The following EXD1 variants were observed in gnomAD, a reference collection of about 807,000 sequenced individuals.
The protein encoded by EXD1 is exonuclease 3'-5' domain containing 1.
In EXD1, 63 loss-of-function variants were observed where a neutral mutation model predicts 49.1. The observed-to-expected ratio is 1.28, with a 90% CI of 1.05 to 1.58. The LOEUF is 1.58. EXD1 is among the 40% of genes most tolerant of loss of function. The pLI, the probability that EXD1 is intolerant of heterozygous loss-of-function variation, is 0.00. For synonymous variants in EXD1, 234 were observed against 239.2 expected (o/e 0.98, Z 0.20); for missense variants, 748 against 666.0 (o/e 1.12, Z -1.36).
rs151189157 is a variant in EXD1 at position 41,189,969 on chromosome 15, C to T, written c.1024G>A (p.Glu342Lys). 7.2e-5 allele frequency: 117 copies of T among 1,614,030 alleles called. No individual in the cohort carries two copies. The African/African-American group carries it at 1.1e-3, about 15-fold the overall frequency. ...CCTCCAAGCCGGTCTGCAGACCCTT[C>T]GCGATACGTGTTTAGGTAACCATCC... ...LVDGYLNTYR[E>K]GSADRLGGTE... is the part of the protein sequence containing the mutation. Residue 342 changes from glutamate to lysine, a missense_variant, in exon 11 of 12, where the codon GAA (glutamate) becomes AAA (lysine). Transcript: ENST00000458580.
At position 41,194,122 on chromosome 15, in the gene EXD1, C is replaced by T. The variant is rs1186160999; in HGVS notation, c.720+1653G>A. Among the ~76,000 whole-genome samples, 6 of 150,572 alleles carry T rather than the reference C, an allele frequency of 4.0e-5. No homozygotes were observed. In the East Asian group the frequency reaches 9.8e-4, roughly 25 times the overall value. ...TGACTCCCAGGTTCACACCATTCTCCTGCCTCAGCCTCCCGAGTAGCTGGG... is the reference window on the plus strand; with the variant it reads ...TGACTCCCAGGTTCACACCATTCTCTTGCCTCAGCCTCCCGAGTAGCTGGG... On this transcript the variant is annotated intron_variant, in intron 9 of 11. Transcript: ENST00000458580.
chr15:41,195,696 T>A, intron 9 of EXD1, 79 bp downstream of exon 9: 6 of 997,606 alleles, frequency 6.0e-6, no homozygotes, highest in Non-Finnish European at 8.4e-6. Context: ...AGACTTTCAC[T>A]CATCAGATGA....
rs770075401 is a variant in EXD1, at chr15:41,191,590, G to C, written c.721-5C>G. Reference sequence around the variant, plus strand: ...AAACTGAAGTACATCTGCTACCTGTGGTATTTTAAAAAGACAAACAGACCA... The same window carrying C: ...AAACTGAAGTACATCTGCTACCTGTCGTATTTTAAAAAGACAAACAGACCA... On this transcript the variant is annotated splice_polypyrimidine_tract_variant and splice_region_variant and intron_variant, in intron 9 of 11. Transcript: ENST00000458580. 6.2e-7 allele frequency: 1 copy of C among 1,612,878 alleles called. No homozygotes were observed. Among genetic ancestry groups the C allele is most frequent in the Non-Finnish European group, 8.5e-7 (1 of 1,179,540 alleles).
chr15:41,207,711 T>C (rs1446530426), intron 7 of EXD1, among the ~76,000 whole-genome samples: 2 of 151,838 alleles, frequency 1.3e-5, no homozygotes, highest in Admixed American at 6.6e-5. Flanking sequence ...GGAAAACCTG[T>C]CCATTAATTT....
intron 6 of EXD1, among the ~76,000 whole-genome samples, chr15:41,213,862 A>G (rs1409101754): frequency 6.6e-6 from 1 of 152,234 alleles, no homozygotes; most frequent in African/African-American, 2.4e-5. Context: ...TGAGCTGTAC[A>G]TTTTAACTAA....
At chr15:41,209,477 A>G in intron 7 of EXD1, 24 bp downstream of exon 7, 1 of 1,601,034 alleles carries the variant, frequency 6.2e-7, no homozygotes, top group Non-Finnish European at 8.5e-7. Flanking sequence ...ACTTCAAAAT[A>G]AAAAGTTTTC....
chr15:41,196,100 G>C, intron 7 of EXD1, 63 bp from the exon 8 acceptor site: 1 of 1,172,248 alleles, frequency 8.5e-7, no homozygotes, highest in South Asian at 1.5e-5. Flanking sequence ...AGGGAAATTT[G>C]AGGATGAAGA....
At chr15:41,192,174 G>A (rs1412310775) in intron 9 of EXD1, 1 of 152,830 alleles carries the variant, frequency 6.5e-6, no homozygotes, top group Non-Finnish European at 1.5e-5. Context: ...TCAGCACAGC[G>A]CCCTACAGTC....
intron 7 of EXD1, among the ~76,000 whole-genome samples, chr15:41,198,236 C>T (rs1019333584): frequency 6.6e-6 from 1 of 152,022 alleles, no homozygotes; most frequent in Non-Finnish European, 1.5e-5. Flanking sequence ...AGTTTCAGGA[C>T]AGGCACTAGT....
At chr15:41,224,101 G>A (rs778124080) in intron 2 of EXD1, among the ~76,000 whole-genome samples, 2 of 151,784 alleles carry the variant, frequency 1.3e-5, no homozygotes, top group Non-Finnish European at 2.9e-5. Context: ...CACCATGCCC[G>A]GCTAATTTTG....
intron 7 of EXD1, among the ~76,000 whole-genome samples, chr15:41,200,136 C>T (rs981159231): frequency 8.6e-5 from 13 of 151,950 alleles, no homozygotes; most frequent in African/African-American, 2.4e-4. Flanking sequence ...TCTCCAACTC[C>T]GGAGCTCAAG....
At position 41,219,733 on chromosome 15, in the gene EXD1, C is replaced by T. The variant is rs1339468104; in HGVS notation, c.202+97G>A. The T allele has an allele frequency of 7.0e-6, 7 of 1,004,774 alleles. No individual in the cohort carries two copies. The Admixed American group carries it at 7.0e-5, about 10-fold the overall frequency. The allele number at this position is 1,004,774 out of a possible 1,614,324, so 62.2% of individuals were successfully genotyped here. A position where few individuals can be genotyped will look rare whatever the true frequency, so the allele number is the denominator to read the frequency against. ...AGAAGGATCAATTCTCAAATACCAA[C>T]TTTAAGAATCCATAAGCACAACATT... On this transcript the variant is annotated intron_variant, in intron 3 of 11. Coordinates refer to ENST00000458580, the MANE Select transcript of EXD1 (RefSeq NM_001286441.2).
chr15:41,230,153 G>A (rs1301732145), intron 1 of EXD1, among the ~76,000 whole-genome samples: 6 of 145,268 alleles, frequency 4.1e-5, no homozygotes, highest in Non-Finnish European at 8.9e-5. Flanking sequence ...CCGCGATCTC[G>A]GCTCACTGCA....
In EXD1 at chr15:41,216,779, TTC is replaced by T. The variant is rs766252524; in HGVS notation, c.275_276del (p.Arg92AsnfsTer9). On this transcript the variant is annotated frameshift_variant, in exon 5 of 12. Coordinates refer to ENST00000458580, the MANE Select transcript of EXD1 (RefSeq NM_001286441.2). LOFTEE classifies it high-confidence loss of function. ...KASSVSLHAE[R>X]TWMEKMKVED... ...TCAACTTTCATTTTCTCCATCCAGG[TTC>T]TTTCTGCATGTAGACTATCCTTACA... 3 of 1,613,638 alleles carry T rather than the reference TTC, an allele frequency of 1.9e-6. No homozygotes were observed. The African/African-American group carries it at 4.0e-5, about 22-fold the overall frequency.
At chr15:41,199,687 A>G (rs1394669002) in intron 7 of EXD1, among the ~76,000 whole-genome samples, 3 of 51,582 alleles carry the variant, frequency 5.8e-5, no homozygotes, top group Admixed American at 2.6e-4. Flanking sequence ...TATCATATAT[A>G]TGAGATATAT....
intron 6 of EXD1, among the ~76,000 whole-genome samples, chr15:41,215,263 T>G: frequency 6.6e-6 from 1 of 152,200 alleles, no homozygotes; most frequent in Non-Finnish European, 1.5e-5. Context: ...TATAAGCTCC[T>G]TGAGGGCGGG....
At chr15:41,208,364 T>C (rs1469171065) in intron 7 of EXD1, among the ~76,000 whole-genome samples, 2 of 105,796 alleles carry the variant, frequency 1.9e-5, no homozygotes, top group East Asian at 2.6e-4. Context: ...GGAGAACTCA[T>C]CTCTGAAAAA....
chr15:41,198,707 A>T (rs1189727260), intron 7 of EXD1, among the ~76,000 whole-genome samples: 2 of 150,954 alleles, frequency 1.3e-5, no homozygotes, highest in Admixed American at 6.6e-5. Context: ...AATTAAAAAA[A>T]ATTTTTTTTT....
chr15:41,216,914 C>T (rs2047008703), intron 4 of EXD1, 119 bp from the exon 5 acceptor site: 1 of 1,447,768 alleles, frequency 6.9e-7, no homozygotes, highest in Non-Finnish European at 9.4e-7. Flanking sequence ...AGGACCCATT[C>T]ATCCACTGCT....
Sources: allele counts gnomAD v4.1 joint callset (sites outside exome capture counted in the v4.1 genomes callset), GRCh38; gene constraint gnomAD v4.1.1; transcripts MANE v1.5; gene names NCBI Gene and HGNC (gene_info 2026-07-23, HGNC 2026-07-21).